The following PMS1 variants were observed in gnomAD, a reference collection of about 807,000 sequenced individuals.
The protein encoded by PMS1 is PMS1 homolog 1, mismatch repair system component.
A neutral mutation model predicts 93.1 loss-of-function variants in PMS1; 79 were observed. That is an observed-to-expected ratio of 0.85 (90% CI 0.71 to 1.02). The LOEUF (loss-of-function observed/expected upper bound fraction) is 1.02, where lower values mean the gene tolerates loss of function less well. Ranked by LOEUF, PMS1 falls within the 50% of genes least tolerant of loss-of-function variation. The pLI is 0.00. For missense variants in PMS1, 1,064 were observed against 1,085.3 expected (o/e 0.98, Z 0.28); for synonymous variants, 335 against 363.4 (o/e 0.92, Z 0.89).
intron 2 of PMS1, among the ~76,000 whole-genome samples, chr2:189,792,688 A>AATAT (rs3067428): frequency 0.046 from 5,868 of 127,012 alleles, 162 homozygotes; most frequent in Non-Finnish European, 0.056. Context: ...TATGGACACA[A>AATAT]ATATATATAT....
chr2:189,867,897 CA>C lies in PMS1; in HGVS notation c.2442del (p.Ala815ArgfsTer6), dbSNP rs2056800071. On this transcript the variant is annotated frameshift_variant, in exon 11 of 13. Coordinates refer to ENST00000441310, the MANE Select transcript of PMS1 (RefSeq NM_000534.5). LOFTEE classifies it high-confidence loss of function. ...ACTTACCTGTCTGATCCTCGTCTTA[CA>C]GCGAATGGTTTCAAGATAAAATTGA... The part of the protein sequence containing the change: ...GSTYLSDPRL[T>X]ANGFKIKLIP... 6.2e-7 allele frequency: 1 copy of C among 1,609,988 alleles called. No homozygotes were observed. Among genetic ancestry groups the C allele is most frequent in the South Asian group, 1.1e-5 (1 of 91,002 alleles).
chr2:189,793,879 A>C (rs778373278), intron 2 of PMS1, among the ~76,000 whole-genome samples: 1 of 152,194 alleles, frequency 6.6e-6, no homozygotes, highest in Admixed American at 6.5e-5. Flanking sequence ...ATATGTTTTC[A>C]TAATTAATTA....
chr2:189,833,684 T>C (rs940975216), intron 5 of PMS1, among the ~76,000 whole-genome samples: 3 of 152,196 alleles, frequency 2.0e-5, no homozygotes, highest in African/African-American at 7.2e-5. Flanking sequence ...TTAAATGTTA[T>C]AATGATATGA....
At chr2:189,812,147 G>A (rs62184286) in intron 4 of PMS1, among the ~76,000 whole-genome samples, 34,085 of 151,818 alleles carry the variant, frequency 0.22, 4,005 homozygotes, top group African/African-American at 0.28. Flanking sequence ...CTAAAAATAC[G>A]AAAATTATCT....
chr2:189,830,362 G>C (rs1163792240), intron 5 of PMS1, among the ~76,000 whole-genome samples: 5 of 152,088 alleles, frequency 3.3e-5, no homozygotes, highest in African/African-American at 7.2e-5. Context: ...TGTCGCATTT[G>C]TAGTTTCTTT....
chr2:189,825,633 G>T (rs1385519168), intron 5 of PMS1, among the ~76,000 whole-genome samples: 1 of 152,154 alleles, frequency 6.6e-6, no homozygotes, highest in Non-Finnish European at 1.5e-5. Flanking sequence ...AATATTATTT[G>T]TGGTTTTAAG....
At chr2:189,795,106 A>G (rs1205122179) in intron 2 of PMS1, among the ~76,000 whole-genome samples, 1 of 151,824 alleles carries the variant, frequency 6.6e-6, no homozygotes, top group Admixed American at 6.6e-5. Flanking sequence ...AAAAGTCTTG[A>G]TTTTTTTTCA....
chr2:189,867,647 G>A, intron 10 of PMS1, 152 bp from the exon 11 acceptor site: 1 of 618,270 alleles, frequency 1.6e-6, no homozygotes, highest in South Asian at 1.9e-5. Context: ...TAACAGAAAT[G>A]TAAAACAGTG....
intron 12 of PMS1, among the ~76,000 whole-genome samples, chr2:189,874,481 G>T (rs901575037): frequency 6.6e-6 from 1 of 152,100 alleles, no homozygotes; most frequent in African/African-American, 2.4e-5. Flanking sequence ...AAAGGATTAA[G>T]GAAGGTTATA....
chr2:189,854,258 T>C lies in PMS1; in HGVS notation c.986T>C (p.Leu329Pro). 6.3e-7 allele frequency: 1 copy of C among 1,593,962 alleles called. No individual in the cohort carries two copies. Among genetic ancestry groups the C allele is most frequent in the South Asian group, 1.2e-5 (1 of 85,082 alleles). The change falls in exon 9 of 13, where the codon CTT (leucine) becomes CCT (proline). Residue 329 changes from leucine to proline, a missense_variant. By Grantham distance (98) the Leu-to-Pro change is moderately conservative (BLOSUM62 -3). Transcript: ENST00000441310. ...TTTTAGGAATCTGTTTTAATTGCTC[T>C]TGAAAATCTGATGACGACTTGTTAT... Reference protein sequence around the residue: ...LQNKESVLIALENLMTTCYGP... With the variant: ...LQNKESVLIAPENLMTTCYGP...
intron 6 of PMS1, among the ~76,000 whole-genome samples, chr2:189,852,329 G>T (rs752754655): frequency 2.0e-5 from 3 of 152,076 alleles, no homozygotes; most frequent in Non-Finnish European, 4.4e-5. Flanking sequence ...ACTTTTAAAA[G>T]ACAGAAAAAA....
At chr2:189,791,983 A>G in intron 2 of PMS1, 42 bp downstream of exon 2, 1 of 1,582,854 alleles carries the variant, frequency 6.3e-7, no homozygotes, top group Non-Finnish European at 8.7e-7. Flanking sequence ...AGACAAAGAA[A>G]AGGGTCTGGA....
intron 9 of PMS1, among the ~76,000 whole-genome samples, chr2:189,862,141 T>C (rs2056084386): frequency 1.3e-5 from 2 of 152,158 alleles, no homozygotes; most frequent in Non-Finnish European, 2.9e-5. Context: ...TGTTTTGCCT[T>C]AGGTCACTGC....
chr2:189,841,948 A>G (rs1559286216), intron 5 of PMS1, among the ~76,000 whole-genome samples: 1 of 144,736 alleles, frequency 6.9e-6, no homozygotes, highest in Non-Finnish European at 1.5e-5. Context: ...CTGAGTCTCC[A>G]AACCTGCTTG....
chr2:189,852,897 C>T (rs1304250955), intron 7 of PMS1, 120 bp downstream of exon 7: 3 of 702,842 alleles, frequency 4.3e-6, no homozygotes, highest in Non-Finnish European at 7.5e-6. Flanking sequence ...ATTTATTAAA[C>T]ATTATGCATG....
chr2:189,846,938 T>C (rs1421560869), intron 6 of PMS1, among the ~76,000 whole-genome samples: 3 of 151,426 alleles, frequency 2.0e-5, no homozygotes, highest in Admixed American at 1.3e-4. Flanking sequence ...CTCGGCTCAC[T>C]GAAACCTCTG....
intron 3 of PMS1, among the ~76,000 whole-genome samples, chr2:189,801,036 A>C (rs775890139): frequency 2.6e-5 from 4 of 152,160 alleles, no homozygotes; most frequent in Non-Finnish European, 5.9e-5. Context: ...TAATTTTTAT[A>C]ATTTTTTGTA....
chr2:189,795,624 C>A, intron 2 of PMS1, 145 bp from the exon 3 acceptor site: 1 of 682,244 alleles, frequency 1.5e-6, no homozygotes, highest in Non-Finnish European at 2.5e-6. Context: ...ATTAGTAGAG[C>A]TGAAGAATTT....
At chr2:189,839,802 A>G (rs1233252) in intron 5 of PMS1, among the ~76,000 whole-genome samples, 2,700 of 152,296 alleles carry the variant, frequency 0.018, 77 homozygotes, top group African/African-American at 0.061. Context: ...TTAGTATGGA[A>G]TCTGGAACAA....
Sources: gnomAD v4.1 joint callset for allele counts (sites outside exome capture counted in the v4.1 genomes callset) on GRCh38, gnomAD v4.1.1 for gene constraint, MANE v1.5 for transcripts, NCBI Gene and HGNC (gene_info 2026-07-23, HGNC 2026-07-21) for gene names.